TBC1D2B: variants seen among roughly 807,000 people sequenced by gnomAD.
The protein encoded by TBC1D2B is TBC1 domain family, member 2B.
Under a neutral mutation model 100.8 loss-of-function variants are expected in TBC1D2B, and 64 were observed. The observed-to-expected ratio is 0.64, with a 90% CI of 0.52 to 0.78. The LOEUF (loss-of-function observed/expected upper bound fraction) is 0.78, where lower values mean the gene tolerates loss of function less well. Among genes scored for constraint, TBC1D2B ranks in the 30% least tolerant of loss-of-function variants. TBC1D2B has a pLI of 0.00. For synonymous variants in TBC1D2B, 480 were observed against 479.7 expected (o/e 1.00, Z -0.01); for missense variants, 1,052 against 1,218.4 (o/e 0.86, Z 2.03).
At chr15:78,053,681 G>C (rs997921522) in intron 2 of TBC1D2B, 2 of 186,590 alleles carry the variant, frequency 1.1e-5, no homozygotes, top group East Asian at 1.4e-4. Flanking sequence ...GTCAATCTTG[G>C]CAAGTCTGCC....
chr15:78,048,699 G>C (rs572529436), intron 2 of TBC1D2B, among the ~76,000 whole-genome samples: 1 of 152,208 alleles, frequency 6.6e-6, no homozygotes, highest in Non-Finnish European at 1.5e-5. Context: ...GTCTCCAAGA[G>C]CCCTTCCCAC....
rs1345039550 is a variant in TBC1D2B at position 77,995,846 on chromosome 15, CCT to C, written c.*2312_*2313del. On this transcript the variant is annotated 3_prime_UTR_variant, in exon 13 of 13. Coordinates refer to ENST00000300584, the MANE Select transcript of TBC1D2B (RefSeq NM_144572.2). ...GGAGGAACAGCAGCTTGGGGCAGCC[CCT>C]GTCAGAAGGGCCCCCTGCCATGGCA... is the stretch of plus-strand genomic sequence containing the variant. 1 of 151,598 alleles carries C rather than the reference CCT, an allele frequency of 6.6e-6. No homozygotes were observed. Among genetic ancestry groups the C allele is most frequent in the Non-Finnish European group, 1.5e-5 (1 of 67,840 alleles). The allele number at this position is 151,598 out of a possible 1,614,324, so 9.4% of individuals were successfully genotyped here. A position where few individuals can be genotyped will look rare whatever the true frequency, so the allele number is the denominator to read the frequency against.
chr15:78,061,627 T>G (rs1363213597), intron 1 of TBC1D2B, among the ~76,000 whole-genome samples: 1 of 149,054 alleles, frequency 6.7e-6, no homozygotes, highest in Admixed American at 6.7e-5. Flanking sequence ...TTAGGACAAC[T>G]GGTCAAATAC....
intron 6 of TBC1D2B, among the ~76,000 whole-genome samples, chr15:78,023,249 C>T (rs890093437): frequency 6.6e-6 from 1 of 152,172 alleles, no homozygotes; most frequent in Non-Finnish European, 1.5e-5. Flanking sequence ...AGGTGAGGGA[C>T]GCCTTGGGGC....
At chr15:78,030,699 G>C (rs1048011275) in intron 3 of TBC1D2B, among the ~76,000 whole-genome samples, 1 of 152,204 alleles carries the variant, frequency 6.6e-6, no homozygotes, top group Non-Finnish European at 1.5e-5. Context: ...TTAAGTTGAA[G>C]AGGTGCCTAC....
Position 78,016,688 on chromosome 15 carries a change from A to G in TBC1D2B, c.1633T>C (p.Leu545=), listed in dbSNP as rs777725834. The change falls in exon 8 of 13, where the codon TTG becomes CTG. Residue 545 remains leucine (L), a synonymous_variant. Coordinates refer to ENST00000300584, the MANE Select transcript of TBC1D2B (RefSeq NM_144572.2). ...LCQIESKYLI[L]LQEMKTPVCS... ...ACTGGTGTCTTCATTTCTTGGAGCA[A>G]TATCAGGTATTTACTTTCTATCTGG... 27 of 1,600,444 alleles carry G rather than the reference A, an allele frequency of 1.7e-5. No homozygotes were observed. Among genetic ancestry groups the G allele is most frequent in the South Asian group, 1.2e-4 (11 of 89,150 alleles).
intron 2 of TBC1D2B, among the ~76,000 whole-genome samples, chr15:78,050,300 T>G (rs2073286626): frequency 6.6e-6 from 1 of 152,242 alleles, no homozygotes; most frequent in African/African-American, 2.4e-5. Flanking sequence ...TCCTTCAAAC[T>G]GTCTTCACAA....
At chr15:78,045,104 A>C in intron 2 of TBC1D2B, 36 bp from the exon 3 acceptor site, 1 of 1,573,492 alleles carries the variant, frequency 6.4e-7, no homozygotes, top group Non-Finnish European at 8.6e-7. Context: ...AGTTACTCAA[A>C]GCTTCCACAC....
At chr15:78,025,191 T>A in intron 5 of TBC1D2B, 68 bp downstream of exon 5, 1 of 1,337,464 alleles carries the variant, frequency 7.5e-7, no homozygotes, top group Middle Eastern at 2.5e-4. Context: ...AAACATAAAT[T>A]GGGCTTTACT....
chr15:78,058,212 T>C (rs2073466555), intron 1 of TBC1D2B, among the ~76,000 whole-genome samples: 1 of 152,212 alleles, frequency 6.6e-6, no homozygotes, highest in East Asian at 1.9e-4. Flanking sequence ...TGGTCTACAC[T>C]ACAATGGCAA....
intron 8 of TBC1D2B, among the ~76,000 whole-genome samples, chr15:78,015,939 G>T (rs2072361878): frequency 6.6e-6 from 1 of 152,190 alleles, no homozygotes; most frequent in South Asian, 2.1e-4. Flanking sequence ...GGCCTACAGG[G>T]GTGGGGCAGG....
intron 1 of TBC1D2B, among the ~76,000 whole-genome samples, chr15:78,069,792 T>C (rs1282892633): frequency 6.6e-6 from 1 of 152,186 alleles, no homozygotes; most frequent in Non-Finnish European, 1.5e-5. Flanking sequence ...CAGAAGGAAC[T>C]TGTCTGTCCC....
chr15:78,019,612 G>A (rs2072462685), intron 6 of TBC1D2B, among the ~76,000 whole-genome samples: 1 of 150,968 alleles, frequency 6.6e-6, no homozygotes, highest in Non-Finnish European at 1.5e-5. Context: ...GGTTGGCTGG[G>A]AATGGTGACT....
At chr15:78,052,710 C>T (rs1476959073) in intron 2 of TBC1D2B, among the ~76,000 whole-genome samples, 1 of 152,210 alleles carries the variant, frequency 6.6e-6, no homozygotes, top group Non-Finnish European at 1.5e-5. Flanking sequence ...GCAAATCAAG[C>T]ACCTCCTGTG....
intron 1 of TBC1D2B, among the ~76,000 whole-genome samples, chr15:78,069,339 A>T (rs2073710602): frequency 6.6e-6 from 1 of 152,080 alleles, no homozygotes; most frequent in Non-Finnish European, 1.5e-5. Context: ...ACACCTGCCA[A>T]AGCGAGCTTC....
intron 6 of TBC1D2B, among the ~76,000 whole-genome samples, chr15:78,022,851 CT>C (rs888895887): frequency 9.0e-4 from 133 of 147,010 alleles, no homozygotes; most frequent in East Asian, 5.5e-3. Flanking sequence ...GCACAGCCAA[CT>C]TTTTTTTTTT....
chr15:78,012,042 T>C (rs1380260718), intron 9 of TBC1D2B, among the ~76,000 whole-genome samples: 1 of 152,224 alleles, frequency 6.6e-6, no homozygotes, highest in East Asian at 1.9e-4. Flanking sequence ...CCCAAAGTGT[T>C]GGGATTACAG....
chr15:78,014,851 T>C (rs763235682), intron 8 of TBC1D2B, among the ~76,000 whole-genome samples: 43 of 152,192 alleles, frequency 2.8e-4, no homozygotes, highest in Non-Finnish European at 6.0e-4. Flanking sequence ...CAGTCAGAAA[T>C]ACACACTGAA....
Position 78,024,138 on chromosome 15 carries a change from C to A in TBC1D2B, c.1470+18G>T. On this transcript the variant is annotated intron_variant, in intron 6 of 12. Coordinates refer to ENST00000300584, the MANE Select transcript of TBC1D2B (RefSeq NM_144572.2). ...TGGTCTCTCATGCCAATCACCAGAG[C>A]CCCTGCCCCACTCTTACTTTCAGCC... 6.3e-7 allele frequency: 1 copy of A among 1,594,930 alleles called. No individual in the cohort carries two copies. The highest frequency in any genetic ancestry group is 8.5e-7 in the Non-Finnish European group (1 of 1,170,314).
Sources: gnomAD v4.1 joint callset for allele counts (sites outside exome capture counted in the v4.1 genomes callset) on GRCh38, gnomAD v4.1.1 for gene constraint, MANE v1.5 for transcripts, NCBI Gene and HGNC (gene_info 2026-07-23, HGNC 2026-07-21) for gene names.